PI16: variants seen among roughly 807,000 people sequenced by gnomAD.
PI16 encodes PSP94-binding protein.
A neutral mutation model predicts 38.0 loss-of-function variants in PI16; 35 were observed. The ratio of observed to expected loss-of-function variants is 0.92; its 90% CI spans 0.70 to 1.22. PI16 has a LOEUF of 1.22. Ranked by LOEUF, PI16 falls within the 50% of genes most tolerant of loss-of-function variation. The pLI is 0.00. For missense variants in PI16, 572 were observed against 593.8 expected (o/e 0.96, Z 0.38); for synonymous variants, 275 against 252.9 (o/e 1.09, Z -0.83).
Position 36,962,847 on chromosome 6 carries a change from A to AT in PI16, c.593-85dup. 1 of 1,124,632 alleles carries AT rather than the reference A, an allele frequency of 8.9e-7. No homozygotes were observed. 69.7% of individuals were successfully genotyped at this position (1,124,632 alleles called of 1,614,324 possible). ...GTGTGTTTGTGTGTCCTGGTAGGAC[A>AT]TTTGGTCGCGTCACTTGGTTTGCAG... On this transcript the variant is annotated intron_variant, in intron 4 of 6. Transcript: ENST00000373674. This position sits in a 1 kb window ranked among gnomAD's most constrained non-coding sequence, Gnocchi z 4.1.
intron 1 of PI16, among the ~76,000 whole-genome samples, chr6:36,957,911 C>A (rs1190856986): frequency 6.6e-6 from 1 of 152,262 alleles, no homozygotes; most frequent in Non-Finnish European, 1.5e-5. Flanking sequence ...GACACCCTGA[C>A]CCTGGCCCCC....
rs374998893 is a variant in PI16 at position 36,963,514 on chromosome 6, G to A, written c.1172G>A (p.Gly391Glu). 99 of 1,614,100 alleles carry A rather than the reference G, an allele frequency of 6.1e-5. 1 individual carries two copies. In the African/African-American group the frequency reaches 8.1e-4, roughly 13 times the overall value. ...CTGCAGGCCACACTGGACCACACGG[G>A]GCACACCTCCTCCAAGTCCCTGCCC... ...GELQATLDHT[G>E]HTSSKSLPNF... Residue 391 changes from glycine to glutamate, a missense_variant, in exon 5 of 7, where the codon GGG becomes GAG. Transcript: ENST00000373674.
At chr6:36,952,152 C>G (rs1017282130), upstream of PI16, among the ~76,000 whole-genome samples, 1 of 151,920 alleles carries the variant, frequency 6.6e-6, no homozygotes, top group Non-Finnish European at 1.5e-5. Flanking sequence ...TGCCACCACA[C>G]CCAGCTAATT....
upstream of PI16, among the ~76,000 whole-genome samples, chr6:36,953,608 CA>C (rs1763137251): frequency 6.6e-6 from 1 of 151,896 alleles, no homozygotes; most frequent in Non-Finnish European, 1.5e-5. Flanking sequence ...GTTTTCTTGT[CA>C]TCTTCCAAAG....
chr6:36,963,206 C>G lies in PI16; in HGVS notation c.864C>G (p.Val288=). ...CTCCACCTTGCGTAACAACTGAGGT[C>G]CCTTCCATTTTGGCAGCTCACAGCC... ...TEAPPCVTTE[V]PSILAAHSLP... is the part of the protein sequence containing the mutation. Residue 288 remains valine (V), a synonymous_variant, in exon 5 of 7, where the codon GTC becomes GTG. Coordinates refer to ENST00000373674, the MANE Select transcript of PI16 (RefSeq NM_153370.3). 1 of 1,614,232 alleles carries G rather than the reference C, an allele frequency of 6.2e-7. No individual in the cohort carries two copies. Among genetic ancestry groups the G allele is most frequent in the Non-Finnish European group, 8.5e-7 (1 of 1,180,040 alleles).
upstream of PI16, among the ~76,000 whole-genome samples, chr6:36,954,018 G>A (rs1763144227): frequency 1.3e-5 from 2 of 152,226 alleles, no homozygotes; most frequent in African/African-American, 4.8e-5. Context: ...TACAGCTAGA[G>A]TGGGGAAGAC....
At chr6:36,952,324 A>C (rs1485750127), upstream of PI16, among the ~76,000 whole-genome samples, 1 of 152,130 alleles carries the variant, frequency 6.6e-6, no homozygotes, top group African/African-American at 2.4e-5. Flanking sequence ...ATGAAGTCCA[A>C]TTTATTTTTG....
intron 1 of PI16, among the ~76,000 whole-genome samples, chr6:36,958,797 G>C (rs1763270416): frequency 1.3e-5 from 2 of 152,146 alleles, no homozygotes; most frequent in South Asian, 4.1e-4. Flanking sequence ...GGAGGACTGG[G>C]AGGTAGGCAG....
At chr6:36,955,002 T>G in intron 1 of PI16, 71 bp downstream of exon 1, 1 of 1,521,256 alleles carries the variant, frequency 6.6e-7, no homozygotes, top group Non-Finnish European at 8.8e-7. Context: ...CCAGGCTCTC[T>G]TACCCTGCTC....
upstream of PI16, among the ~76,000 whole-genome samples, chr6:36,950,482 T>A (rs1330474492): frequency 3.3e-5 from 5 of 152,224 alleles, no homozygotes; most frequent in Non-Finnish European, 7.3e-5. This position sits in a 1 kb window ranked among gnomAD's most constrained non-coding sequence, Gnocchi z 4.2. Flanking sequence ...TGTTTCCACC[T>A]TTTAGCTATT....
At chr6:36,952,297 G>A (rs1394896639), upstream of PI16, among the ~76,000 whole-genome samples, 6 of 152,180 alleles carry the variant, frequency 3.9e-5, no homozygotes, top group East Asian at 1.9e-4. Flanking sequence ...CTCTGCCCCC[G>A]AAAGTTCTTA....
At position 36,963,574 on chromosome 6, in the gene PI16, C is replaced by T. The variant is rs368457853; in HGVS notation, c.1232C>T (p.Thr411Met). ...AATACCTCTGCCACCGCTAATGCCA[C>T]GGGTGGGCGTGCCCTGGCTCTGCAG... ...FPNTSATANA[T>M]GGRALALQSS... Residue 411 changes from threonine to methionine, a missense_variant, in exon 5 of 7, where the codon ACG becomes ATG. Coordinates refer to ENST00000373674, the MANE Select transcript of PI16 (RefSeq NM_153370.3). The T allele has an allele frequency of 1.1e-4, 182 of 1,614,070 alleles. No individual in the cohort carries two copies. The highest frequency in any genetic ancestry group is 1.4e-4 in the Non-Finnish European group (169 of 1,180,036).
At chr6:36,960,250 T>A (rs1054465986) in intron 2 of PI16, among the ~76,000 whole-genome samples, 1 of 152,188 alleles carries the variant, frequency 6.6e-6, no homozygotes, top group Admixed American at 6.5e-5. Context: ...TCTGATAGAA[T>A]TTCCTGCTCC....
chr6:36,953,784 T>C (rs1321031738), upstream of PI16, among the ~76,000 whole-genome samples: 1 of 152,214 alleles, frequency 6.6e-6, no homozygotes, highest in Non-Finnish European at 1.5e-5. Flanking sequence ...CTAAGGCTAT[T>C]TCCCTTCCAA....
In PI16 at chr6:36,963,019, A is replaced by T. The variant is rs756747579; in HGVS notation, c.677A>T (p.Asp226Val). The T allele has an allele frequency of 4.3e-6, 7 of 1,613,874 alleles. No individual in the cohort carries two copies. The African/African-American group carries it at 9.4e-5, about 22-fold the overall frequency. ...APSFRATEAS[D>V]SRKMGTPSSL... is the part of the protein sequence containing the mutation. ...TCCTTCCGGGCGACTGAAGCATCAG[A>T]CTCTAGGAAAATGGGTACTCCTTCT... Residue 226 changes from aspartate to valine, a missense_variant, in exon 5 of 7, where the codon GAC (aspartate) becomes GTC (valine). Physicochemically the swap from Asp to Val is radical, Grantham distance 152. Transcript: ENST00000373674.
upstream of PI16, among the ~76,000 whole-genome samples, chr6:36,951,989 T>G (rs751990052): frequency 6.6e-6 from 1 of 150,700 alleles, no homozygotes; most frequent in African/African-American, 2.5e-5. Flanking sequence ...TCCCAGTTCA[T>G]GGGAAATTGT....
At chr6:36,954,536 G>A (rs1763153844), upstream of PI16, 3 of 570,722 alleles carry the variant, frequency 5.3e-6, no homozygotes, top group African/African-American at 1.9e-5. Flanking sequence ...CTGAGCCCCC[G>A]TTACCAAGAG....
intron 1 of PI16, among the ~76,000 whole-genome samples, chr6:36,955,396 C>T (rs1407534255): frequency 3.3e-5 from 5 of 152,166 alleles, no homozygotes; most frequent in Middle Eastern, 6.8e-3. Context: ...GCAGGATGGG[C>T]GTGGGCACGT....
At position 36,959,360 on chromosome 6, in the gene PI16, C is replaced by T. The variant is rs74853487; in HGVS notation, c.387C>T (p.Tyr129=). 12,685 of 1,554,734 alleles carry T rather than the reference C, an allele frequency of 8.2e-3. 710 individuals carry two copies. In the African/African-American group the frequency reaches 0.13, roughly 16 times the overall value. ...GCCCAGGCCAGATGTGCGGCCACTA[C>T]ACGCAGGTGTGGGCCCGGCGGGCGA... ...TCSPGQMCGH[Y]TQVVWAKTER... The change falls in exon 2 of 7, where the codon TAC becomes TAT. Residue 129 remains tyrosine, a synonymous_variant. Coordinates refer to ENST00000373674, the MANE Select transcript of PI16 (RefSeq NM_153370.3).
Sources: allele counts gnomAD v4.1 joint callset (sites outside exome capture counted in the v4.1 genomes callset), GRCh38; gene constraint gnomAD v4.1.1; non-coding constraint Gnocchi (gnomAD v3.1); transcripts MANE v1.5; gene names NCBI Gene and HGNC (gene_info 2026-07-23, HGNC 2026-07-21).